Variants in ANXA8 observed in about 807,000 individuals in gnomAD.
ANXA8 encodes VAC-beta.
ANXA8 carries 9 observed loss-of-function variants against 26.8 expected under a neutral mutation model. The observed-to-expected ratio is 0.34, with a 90% confidence interval of 0.20 to 0.59. ANXA8 has a LOEUF of 0.59. Among genes scored for constraint, ANXA8 ranks in the 20% least tolerant of loss-of-function variants. ANXA8 has a pLI of 0.84. For missense variants in ANXA8, 83 were observed against 238.5 expected (o/e 0.35, Z 4.29); for synonymous variants, 39 against 94.8 (o/e 0.41, Z 3.42).
chr10:47,640,913 G>A, the ANXA8 span, among the ~76,000 whole-genome samples: 1 of 132,364 alleles, frequency 7.6e-6, no homozygotes, highest in Non-Finnish European at 1.5e-5. Context: ...TGAGAAGTAG[G>A]GAACAGGATG....
At chr10:47,696,786 C>G in the ANXA8 span, among the ~76,000 whole-genome samples, 3 of 148,300 alleles carry the variant, frequency 2.0e-5, no homozygotes, top group Non-Finnish European at 4.5e-5. Context: ...TCAGAGACCT[C>G]TTTGAGAATC....
At chr10:47,733,283 C>CTT in the ANXA8 span, among the ~76,000 whole-genome samples, 1 of 80,592 alleles carries the variant, frequency 1.2e-5, no homozygotes, top group African/African-American at 5.9e-5. Flanking sequence ...TTCTTTCTTT[C>CTT]TTTCTTTCTT....
At chr10:47,733,146 TTTCTTTC>T in the ANXA8 span, among the ~76,000 whole-genome samples, 3 of 43,678 alleles carry the variant, frequency 6.9e-5, no homozygotes, top group Admixed American at 2.4e-4. Flanking sequence ...CTCCCTAATC[TTTCTTTC>T]TTTCTTTCTT....
At chr10:47,572,600 C>A in the ANXA8 span, among the ~76,000 whole-genome samples, 7 of 150,220 alleles carry the variant, frequency 4.7e-5, no homozygotes, top group South Asian at 1.5e-3. Context: ...ACCTGTAATC[C>A]CAGCTACTCA....
chr10:47,645,971 T>C, the ANXA8 span, among the ~76,000 whole-genome samples: 5 of 149,030 alleles, frequency 3.4e-5, no homozygotes, highest in Non-Finnish European at 7.4e-5. Context: ...AGGCAGGAGA[T>C]TGTGGAATTT....
the ANXA8 span, among the ~76,000 whole-genome samples, chr10:47,762,457 C>A: frequency 7.5e-6 from 1 of 133,628 alleles, no homozygotes; most frequent in Non-Finnish European, 1.6e-5. Flanking sequence ...CCTCCTAAGC[C>A]GCAACTGACC....
chr10:47,977,406 A>C, the ANXA8 span, among the ~76,000 whole-genome samples: 3 of 151,334 alleles, frequency 2.0e-5, no homozygotes, highest in African/African-American at 7.3e-5. Flanking sequence ...AAAATATGAG[A>C]AATACAAAGA....
At chr10:47,565,597 C>G in the ANXA8 span, 1 of 294,676 alleles carries the variant, frequency 3.4e-6, no homozygotes, top group South Asian at 1.3e-4. Flanking sequence ...GGCACGCCCA[C>G]GGCCCGGCGC....
the ANXA8 span, among the ~76,000 whole-genome samples, chr10:47,889,089 T>A: frequency 1.8e-5 from 1 of 56,086 alleles, no homozygotes; most frequent in East Asian, 2.7e-4. Flanking sequence ...GATAGGAATT[T>A]AACTTTATTT....
the ANXA8 span, among the ~76,000 whole-genome samples, chr10:47,733,167 T>TTCTTTCTTTCTTTCTTTCTCTCTCTC: frequency 3.2e-4 from 32 of 99,722 alleles, no homozygotes; most frequent in African/African-American, 9.9e-4. Context: ...CTTTCTTTCT[T>TTCTTTCTTTCTTTCTTTCTCTCTCTC]TCTTTCTTTC....
the ANXA8 span, among the ~76,000 whole-genome samples, chr10:47,556,043 T>C: frequency 6.6e-6 from 1 of 151,854 alleles, no homozygotes; most frequent in African/African-American, 2.4e-5. Context: ...GAGGCAAAGA[T>C]AACTACAAAA....
chr10:47,895,244 C>T, the ANXA8 span, among the ~76,000 whole-genome samples: 8 of 152,090 alleles, frequency 5.3e-5, no homozygotes, highest in African/African-American at 1.4e-4. Flanking sequence ...TGGGGAGCAC[C>T]GGCCATTGGG....
At chr10:47,552,372 T>C in the ANXA8 span, among the ~76,000 whole-genome samples, 13 of 151,634 alleles carry the variant, frequency 8.6e-5, no homozygotes, top group Admixed American at 8.5e-4. Flanking sequence ...GCTACCATAC[T>C]GGACAGCTCA....
the ANXA8 span, among the ~76,000 whole-genome samples, chr10:47,650,036 C>A: frequency 6.7e-6 from 1 of 149,782 alleles, no homozygotes; most frequent in Non-Finnish European, 1.5e-5. Flanking sequence ...GGTGAAATCC[C>A]CTCTCTACTA....
the ANXA8 span, among the ~76,000 whole-genome samples, chr10:47,649,572 C>G: frequency 5.9e-5 from 9 of 151,358 alleles, no homozygotes; most frequent in African/African-American, 2.2e-4. Flanking sequence ...CCACGCCCGG[C>G]TAATTTTTGT....
the ANXA8 span, among the ~76,000 whole-genome samples, chr10:47,959,547 C>T: frequency 6.1e-5 from 9 of 147,686 alleles, no homozygotes; most frequent in East Asian, 2.2e-4. Flanking sequence ...GTCTCTCCTT[C>T]GGCATGTGCT....
chr10:47,948,502 T>A, the ANXA8 span, among the ~76,000 whole-genome samples: 1 of 138,392 alleles, frequency 7.2e-6, no homozygotes, highest in Non-Finnish European at 1.5e-5. Flanking sequence ...AGATTAGACG[T>A]GAAGAAGAAA....
At chr10:47,750,362 ATTT>A in the ANXA8 span, among the ~76,000 whole-genome samples, 1 of 134,722 alleles carries the variant, frequency 7.4e-6, no homozygotes, top group African/African-American at 2.8e-5. Flanking sequence ...TACTTATTTT[ATTT>A]TTTTGTTTAT....
the ANXA8 span, among the ~76,000 whole-genome samples, chr10:47,989,732 G>A: frequency 5.3e-5 from 5 of 94,600 alleles, 1 homozygote; most frequent in East Asian, 4.5e-4. Flanking sequence ...GAGCTGCCAC[G>A]CCTTGGCCTT....
Sources: gnomAD v4.1 joint callset for allele counts (sites outside exome capture counted in the v4.1 genomes callset) on GRCh38, gnomAD v4.1.1 for gene constraint, MANE v1.5 for transcripts, NCBI Gene and HGNC (gene_info 2026-07-23, HGNC 2026-07-21) for gene names.